Variants in SERPINB7 observed in about 807,000 individuals in gnomAD.
SERPINB7 encodes serpin family B member 7, also known as serpin B7.
A neutral mutation model predicts 37.4 loss-of-function variants in SERPINB7; 31 were observed. The ratio of observed to expected loss-of-function variants is 0.83; its 90% CI spans 0.62 to 1.12. SERPINB7 has a LOEUF of 1.12. SERPINB7 is among the 50% of genes most tolerant of loss of function. The probability of loss-of-function intolerance (pLI) is 0.00; values close to 1 mark genes in which losing one functional copy is unlikely to be tolerated. For synonymous variants in SERPINB7, 163 were observed against 166.1 expected, an observed-to-expected ratio of 0.98 and a Z score of 0.14; for missense variants, 521 against 455.3, an observed-to-expected ratio of 1.14 and a Z score of -1.31.
chr18:63,784,709 C>T (rs2049347138), intron 2 of SERPINB7, among the ~76,000 whole-genome samples: 1 of 151,998 alleles, frequency 6.6e-6, no homozygotes, highest in South Asian at 2.1e-4. Flanking sequence ...CTAGTGTCCT[C>T]ACCTGTGCAC....
intron 2 of SERPINB7, among the ~76,000 whole-genome samples, chr18:63,791,735 C>A (rs571540124): frequency 2.0e-5 from 3 of 151,978 alleles, no homozygotes; most frequent in African/African-American, 7.3e-5. Flanking sequence ...CTCAGCCTCC[C>A]GAGTAGCTGG....
chr18:63,760,273 C>G (rs1001633964), intron 1 of SERPINB7, among the ~76,000 whole-genome samples: 3 of 152,230 alleles, frequency 2.0e-5, no homozygotes, highest in African/African-American at 7.2e-5. Context: ...TGCCCCTGCC[C>G]TAGAGATTTG....
At chr18:63,799,804 C>T (rs1307314020) in intron 6 of SERPINB7, among the ~76,000 whole-genome samples, 7 of 152,104 alleles carry the variant, frequency 4.6e-5, no homozygotes, top group African/African-American at 9.7e-5. Flanking sequence ...ACCTTTGGTT[C>T]AAGGACAGAG....
At chr18:63,790,318 T>A (rs1472589745) in intron 2 of SERPINB7, among the ~76,000 whole-genome samples, 2 of 152,182 alleles carry the variant, frequency 1.3e-5, no homozygotes, top group Admixed American at 1.3e-4. Flanking sequence ...TGCTGAAAAG[T>A]TCTCTTCTTT....
intron 7 of SERPINB7, among the ~76,000 whole-genome samples, chr18:63,803,863 A>G (rs2049576113): frequency 6.6e-6 from 1 of 152,156 alleles, no homozygotes; most frequent in African/African-American, 2.4e-5. Context: ...GGAGATGGCT[A>G]GGAAATATTG....
intron 1 of SERPINB7, among the ~76,000 whole-genome samples, chr18:63,775,925 G>A (rs892571555): frequency 1.3e-5 from 2 of 152,068 alleles, no homozygotes; most frequent in Non-Finnish European, 2.9e-5. Context: ...ACACAAATGT[G>A]CTTGGGTTTG....
intron 7 of SERPINB7, among the ~76,000 whole-genome samples, chr18:63,801,552 T>C (rs1432751494): frequency 1.3e-5 from 2 of 152,154 alleles, no homozygotes; most frequent in Non-Finnish European, 2.9e-5. Context: ...ATGAAGTCAC[T>C]ACTACTCAAA....
intron 1 of SERPINB7, among the ~76,000 whole-genome samples, chr18:63,755,114 C>T (rs1202680363): frequency 2.0e-5 from 3 of 151,898 alleles, no homozygotes; most frequent in African/African-American, 7.2e-5. Flanking sequence ...CCTTGTTAGC[C>T]AGGATGGTCT....
chr18:63,757,033 T>A (rs1248280571), intron 1 of SERPINB7, among the ~76,000 whole-genome samples: 1 of 152,180 alleles, frequency 6.6e-6, no homozygotes, highest in Admixed American at 6.5e-5. Flanking sequence ...TTGAGAAGTA[T>A]CTGTTCATGT....
At chr18:63,761,960 A>G (rs1401924228) in intron 1 of SERPINB7, among the ~76,000 whole-genome samples, 1 of 152,142 alleles carries the variant, frequency 6.6e-6, no homozygotes, top group African/African-American at 2.4e-5. Flanking sequence ...GATCCAACTT[A>G]TCTTTCAGGT....
At position 63,791,673 on chromosome 18, in the gene SERPINB7, C is replaced by T. The variant is rs1000107587; in HGVS notation, c.169-720C>T. 2.0e-5 allele frequency among the ~76,000 whole-genome samples: 3 copies of T among 152,024 alleles called. No homozygotes were observed. In the East Asian group the frequency reaches 5.8e-4, roughly 29 times the overall value. ...TTGCCCAGGCTGGAGTGCAGTGGTG[C>T]TATCTCGGCTCACTGCAAGCTCTAC... On this transcript the variant is annotated intron_variant, in intron 2 of 7. Coordinates refer to ENST00000398019, the MANE Select transcript of SERPINB7 (RefSeq NM_003784.4).
At chr18:63,758,246 C>T (rs767655184) in intron 1 of SERPINB7, among the ~76,000 whole-genome samples, 8 of 152,226 alleles carry the variant, frequency 5.3e-5, no homozygotes, top group South Asian at 2.1e-4. Context: ...TTTTTAGTAG[C>T]GTTGTTACCA....
intron 2 of SERPINB7, among the ~76,000 whole-genome samples, chr18:63,790,613 T>C (rs79009483): frequency 0.036 from 5,456 of 152,244 alleles, 130 homozygotes; most frequent in African/African-American, 0.068. Flanking sequence ...TAAGGGATAA[T>C]ATCGAATATT....
chr18:63,757,271 C>A (rs1466507116), intron 1 of SERPINB7, among the ~76,000 whole-genome samples: 1 of 152,148 alleles, frequency 6.6e-6, no homozygotes, highest in Non-Finnish European at 1.5e-5. Context: ...TAAATCCTCT[C>A]TCATCCATTA....
chr18:63,789,963 C>G (rs1275620012), intron 2 of SERPINB7, among the ~76,000 whole-genome samples: 1 of 152,164 alleles, frequency 6.6e-6, no homozygotes, highest in Non-Finnish European at 1.5e-5. Context: ...TCAAGGGTCT[C>G]TGTCACTCAG....
chr18:63,773,268 T>C (rs1356401559), upstream of SERPINB7, among the ~76,000 whole-genome samples: 2 of 152,126 alleles, frequency 1.3e-5, no homozygotes, highest in Non-Finnish European at 2.9e-5. Context: ...AATTTCAATG[T>C]CTGGAATTTG....
chr18:63,763,585 G>T (rs1229853151), intron 1 of SERPINB7, among the ~76,000 whole-genome samples: 1 of 152,122 alleles, frequency 6.6e-6, no homozygotes, highest in Non-Finnish European at 1.5e-5. Flanking sequence ...CTGCCTAAAG[G>T]ATGATACTAA....
chr18:63,759,706 A>G (rs1357027613), intron 1 of SERPINB7, among the ~76,000 whole-genome samples: 1 of 152,156 alleles, frequency 6.6e-6, no homozygotes, highest in African/African-American at 2.4e-5. Flanking sequence ...AGAGGGAGGT[A>G]ATTGAATCAA....
chr18:63,794,541 T>C lies in SERPINB7; in HGVS notation c.336+1264T>C, dbSNP rs181719823. 7.0e-3 allele frequency among the ~76,000 whole-genome samples: 1,061 copies of C among 151,982 alleles called. 6 individuals carry two copies. The highest frequency in any genetic ancestry group is 0.012 in the Non-Finnish European group (826 of 67,940). ...CTGTCTCTACTAAAAATACAAAAAA[T>C]TAGCCGGGCGCGGTGGCAGGCGCCT... On this transcript the variant is annotated intron_variant, in intron 4 of 7. Coordinates refer to ENST00000398019, the MANE Select transcript of SERPINB7 (RefSeq NM_003784.4).
Sources: allele counts gnomAD v4.1 joint callset (sites outside exome capture counted in the v4.1 genomes callset), GRCh38; gene constraint gnomAD v4.1.1; transcripts MANE v1.5; gene names NCBI Gene and HGNC (gene_info 2026-07-23, HGNC 2026-07-21).